RGPD3: variants seen among roughly 807,000 people sequenced by gnomAD.
RGPD3 encodes the protein ranBP2-like and GRIP domain-containing protein 3.
In RGPD3, 62 loss-of-function variants were observed where a neutral mutation model predicts 154.5. The observed-to-expected ratio is 0.40, with a 90% CI of 0.33 to 0.50. The LOEUF (loss-of-function observed/expected upper bound fraction) is 0.50, where lower values mean the gene tolerates loss of function less well. Ranked by LOEUF, RGPD3 falls within the 20% of genes least tolerant of loss-of-function variation. The pLI, the probability that RGPD3 is intolerant of heterozygous loss-of-function variation, is 0.59. For synonymous variants in RGPD3, 308 were observed against 607.0 expected (o/e 0.51, Z 7.24); for missense variants, 919 against 1,716.8 (o/e 0.54, Z 8.21).
chr2:106,461,875 A>G (rs912634069), intron 1 of RGPD3, among the ~76,000 whole-genome samples: 5 of 151,950 alleles, frequency 3.3e-5, no homozygotes, highest in African/African-American at 7.3e-5. Flanking sequence ...ATAATACACA[A>G]CAGTCAGGAC....
chr2:106,455,076 G>A (rs1213061343), intron 4 of RGPD3, among the ~76,000 whole-genome samples: 1 of 152,208 alleles, frequency 6.6e-6, no homozygotes, highest in African/African-American at 2.4e-5. Context: ...CAAAGTGGGT[G>A]GATCACCTGA....
intron 18 of RGPD3, among the ~76,000 whole-genome samples, chr2:106,428,776 G>C (rs62152462): frequency 6.7e-6 from 1 of 148,934 alleles, no homozygotes; most frequent in Non-Finnish European, 1.5e-5. Flanking sequence ...GGCTGCCTGG[G>C]AGCAATGTAT....
intron 21 of RGPD3, among the ~76,000 whole-genome samples, chr2:106,415,461 A>G (rs1011279540): frequency 1.3e-5 from 2 of 152,098 alleles, no homozygotes; most frequent in African/African-American, 4.8e-5. Flanking sequence ...GTGGATCATG[A>G]GGTCAGGAGA....
At chr2:106,438,423 G>C (rs1454004951) in intron 9 of RGPD3, among the ~76,000 whole-genome samples, 1 of 150,504 alleles carries the variant, frequency 6.6e-6, no homozygotes, top group Non-Finnish European at 1.5e-5. Context: ...AGAAGTTCAA[G>C]GCAGCAGTGA....
intron 1 of RGPD3, among the ~76,000 whole-genome samples, chr2:106,464,269 A>G: frequency 6.7e-6 from 1 of 148,606 alleles, no homozygotes; most frequent in Non-Finnish European, 1.5e-5. Context: ...TGAACCCGGG[A>G]GGCAGAGTTT....
intron 7 of RGPD3, 123 bp downstream of exon 7, chr2:106,447,295 A>G: frequency 9.0e-5 from 2 of 22,300 alleles, no homozygotes; most frequent in Non-Finnish European, 1.6e-4. Flanking sequence ...CAAATTGACT[A>G]TTTCATTTCA....
upstream of RGPD3, among the ~76,000 whole-genome samples, chr2:106,468,805 C>CAAAAAAA (rs57971663): frequency 1.8e-5 from 1 of 56,916 alleles, no homozygotes; most frequent in Non-Finnish European, 2.9e-5. Flanking sequence ...GACTCCATCT[C>CAAAAAAA]AAAAAAAAAA....
chr2:106,408,882 C>T (rs532351779), intron 22 of RGPD3, among the ~76,000 whole-genome samples: 190 of 151,228 alleles, frequency 1.3e-3, no homozygotes, highest in African/African-American at 4.3e-3. Flanking sequence ...CATAGGGTCT[C>T]GCCATGTTGC....
chr2:106,459,673 GGC>G, intron 1 of RGPD3, among the ~76,000 whole-genome samples: 1 of 129,380 alleles, frequency 7.7e-6, no homozygotes, highest in East Asian at 2.6e-4. Context: ...CAGGCATGAT[GGC>G]GGGTGCCTGT....
chr2:106,405,125 T>G lies in RGPD3; in HGVS notation c.*94A>C. On this transcript the variant is annotated 3_prime_UTR_variant, in exon 23 of 23. Transcript: ENST00000409886. ...CATGAACCATTTTTGTAAATAGATT[T>G]TATTTGGTTAATAAAAACATTCCTT... 6.4e-7 allele frequency: 1 copy of G among 1,571,048 alleles called. No individual in the cohort carries two copies. Among genetic ancestry groups the G allele is most frequent in the East Asian group, 2.2e-5 (1 of 44,512 alleles).
chr2:106,423,004 A>G (rs1330303056), intron 20 of RGPD3, 39 bp downstream of exon 20: 83 of 999,600 alleles, frequency 8.3e-5, no homozygotes, highest in Non-Finnish European at 1.3e-4. Flanking sequence ...CATTAAAAGA[A>G]AGAAAAATTG....
rs1183261325 is a variant in RGPD3, at chr2:106,414,268, C to T, written c.5065-983G>A. ...GCGAACTTTGTCCTCAAACCTAGGA[C>T]CATTTAAAAAAGTGACAATAAAGAA... is the stretch of plus-strand genomic sequence containing the variant. On this transcript the variant is annotated intron_variant, in intron 21 of 22. Coordinates refer to ENST00000409886, the MANE Select transcript of RGPD3 (RefSeq NM_001144013.2). Among the ~76,000 whole-genome samples the T allele has an allele frequency of 3.3e-5, 5 of 151,962 alleles. 1 individual carries two copies. The highest frequency in any genetic ancestry group is 1.9e-4 in the East Asian group (1 of 5,162).
upstream of RGPD3, among the ~76,000 whole-genome samples, chr2:106,469,573 A>G (rs1352882574): frequency 1.3e-5 from 2 of 152,206 alleles, no homozygotes; most frequent in Non-Finnish European, 1.5e-5. Flanking sequence ...CCACACTCAC[A>G]TGTCCTTTAA....
chr2:106,414,982 T>C (rs547687105), intron 21 of RGPD3, among the ~76,000 whole-genome samples: 1 of 152,208 alleles, frequency 6.6e-6, no homozygotes, highest in African/African-American at 2.4e-5. Context: ...TTAAATAATA[T>C]ACGTAGAGCC....
intron 22 of RGPD3, among the ~76,000 whole-genome samples, chr2:106,406,815 C>T (rs1000825175): frequency 2.4e-4 from 37 of 151,610 alleles, no homozygotes; most frequent in African/African-American, 7.1e-4. Flanking sequence ...TGTTTTCATA[C>T]GTATATATGT....
At chr2:106,466,440 C>A (rs1344826771) in intron 1 of RGPD3, among the ~76,000 whole-genome samples, 5 of 123,786 alleles carry the variant, frequency 4.0e-5, no homozygotes, top group African/African-American at 6.1e-5. Flanking sequence ...GACGCCTGAG[C>A]CATCGAGGCC....
At chr2:106,468,124 CA>C (rs1212818331) in intron 1 of RGPD3, 92 bp downstream of exon 1, 1 of 1,479,598 alleles carries the variant, frequency 6.8e-7, no homozygotes, top group Non-Finnish European at 9.1e-7. Context: ...CGTCGGGAGC[CA>C]TGACGCCTGA....
intron 1 of RGPD3, among the ~76,000 whole-genome samples, chr2:106,461,278 T>A (rs1405988918): frequency 7.1e-6 from 1 of 140,808 alleles, no homozygotes; most frequent in Admixed American, 7.4e-5. Context: ...CTCTGGCATA[T>A]GTGAACTGCC....
chr2:106,410,104 G>A lies in RGPD3; in HGVS notation c.5266+2980C>T, dbSNP rs10209584. Among the ~76,000 whole-genome samples the A allele has an allele frequency of 1.4e-3, 206 of 151,888 alleles. 1 individual carries two copies. The highest frequency in any genetic ancestry group is 4.5e-3 in the African/African-American group (187 of 41,476). ...TTGGCCAGGCTGGTCTTGAACTCCT[G>A]ACCTCAGGTGATCTACCCTCCTCAG... On this transcript the variant is annotated intron_variant, in intron 22 of 22. Transcript: ENST00000409886.
Sources: gnomAD v4.1 joint callset for allele counts (sites outside exome capture counted in the v4.1 genomes callset) on GRCh38, gnomAD v4.1.1 for gene constraint, MANE v1.5 for transcripts, NCBI Gene and HGNC (gene_info 2026-07-23, HGNC 2026-07-21) for gene names.